The following GRM5 variants were observed in gnomAD, a reference collection of about 807,000 sequenced individuals.
The protein encoded by GRM5 is metabotropic glutamate receptor 5.
GRM5 carries 19 observed loss-of-function variants against 83.1 expected under a neutral mutation model. That is an observed-to-expected ratio of 0.23 (90% confidence interval 0.16 to 0.34). GRM5 has a LOEUF of 0.34. Ranked by LOEUF, GRM5 falls within the 10% of genes least tolerant of loss-of-function variation. The pLI, the probability that GRM5 is intolerant of heterozygous loss-of-function variation, is 1.00. For synonymous variants in GRM5, 675 were observed against 633.6 expected, an observed-to-expected ratio of 1.07 and a Z score of -0.98; for missense variants, 1,160 against 1,588.3, an observed-to-expected ratio of 0.73 and a Z score of 4.58.
chr11:88,832,871 C>T (rs1944020439), intron 3 of GRM5, among the ~76,000 whole-genome samples: 1 of 151,734 alleles, frequency 6.6e-6, no homozygotes, highest in African/African-American at 2.4e-5. Flanking sequence ...GAGGAAAGAA[C>T]ATCCTTTTCA....
chr11:88,535,549 C>T (rs1053403061), intron 8 of GRM5, among the ~76,000 whole-genome samples: 6 of 152,098 alleles, frequency 3.9e-5, no homozygotes, highest in Non-Finnish European at 7.4e-5. Context: ...CTGAATTAGC[C>T]TTTTTAGTGT....
At chr11:88,747,640 A>ATACTT (rs1591485476) in intron 3 of GRM5, among the ~76,000 whole-genome samples, 1 of 151,996 alleles carries the variant, frequency 6.6e-6, no homozygotes, top group Admixed American at 6.6e-5. Flanking sequence ...TAGAATATAC[A>ATACTT]TACTTTACTT....
chr11:88,586,014 A>G (rs934962522), intron 7 of GRM5, among the ~76,000 whole-genome samples: 1 of 152,080 alleles, frequency 6.6e-6, no homozygotes, highest in African/African-American at 2.4e-5. Flanking sequence ...TATGACTGCT[A>G]TTGAGAATAT....
chr11:88,664,998 A>G (rs928533477), intron 3 of GRM5, among the ~76,000 whole-genome samples: 1 of 152,172 alleles, frequency 6.6e-6, no homozygotes, highest in African/African-American at 2.4e-5. Context: ...GTAGCTTGCA[A>G]AGCAAGCAAA....
chr11:88,999,658 A>G (rs1940305712), intron 2 of GRM5, among the ~76,000 whole-genome samples: 1 of 152,162 alleles, frequency 6.6e-6, no homozygotes, highest in Admixed American at 6.5e-5. Context: ...AACTAGTTCA[A>G]CCATTGTGGA....
intron 2 of GRM5, among the ~76,000 whole-genome samples, chr11:88,892,356 A>G (rs993784617): frequency 6.6e-6 from 1 of 151,920 alleles, no homozygotes. Flanking sequence ...TCAGTAAAGA[A>G]TGTCACTTTT....
intron 2 of GRM5, among the ~76,000 whole-genome samples, chr11:88,942,635 A>G (rs545608643): frequency 1.3e-5 from 2 of 152,066 alleles, no homozygotes; most frequent in East Asian, 1.9e-4. Flanking sequence ...CTATTGCCCT[A>G]TGGGAAAACT....
At chr11:88,846,843 G>A (rs940113714) in intron 3 of GRM5, among the ~76,000 whole-genome samples, 12 of 152,022 alleles carry the variant, frequency 7.9e-5, no homozygotes, top group African/African-American at 2.9e-4. Context: ...AAATTTTCAG[G>A]AGGTAGCACT....
chr11:88,793,028 A>G (rs548236427), intron 3 of GRM5, among the ~76,000 whole-genome samples: 1 of 152,174 alleles, frequency 6.6e-6, no homozygotes, highest in South Asian at 2.1e-4. Flanking sequence ...GATACTATTT[A>G]GAGTATAGCA....
intron 2 of GRM5, among the ~76,000 whole-genome samples, chr11:88,943,023 G>A (rs1310582054): frequency 6.6e-6 from 1 of 151,972 alleles, no homozygotes; most frequent in African/African-American, 2.4e-5. Context: ...GAAGCCCAAG[G>A]ACAAGTGGTC....
At chr11:88,670,884 A>G (rs940056118) in intron 3 of GRM5, among the ~76,000 whole-genome samples, 2 of 152,066 alleles carry the variant, frequency 1.3e-5, no homozygotes, top group African/African-American at 2.4e-5. Flanking sequence ...TTGGAAAACT[A>G]TTTGGCAATA....
intron 2 of GRM5, among the ~76,000 whole-genome samples, chr11:88,909,113 C>T (rs1945451922): frequency 6.6e-6 from 1 of 152,042 alleles, no homozygotes; most frequent in Admixed American, 6.6e-5. Flanking sequence ...ACAGGCAATG[C>T]CCCAACTAAA....
chr11:88,737,312 G>A (rs1007920115), intron 3 of GRM5, among the ~76,000 whole-genome samples: 1 of 152,064 alleles, frequency 6.6e-6, no homozygotes, highest in Non-Finnish European at 1.5e-5. Flanking sequence ...GTCCCTGCAT[G>A]TGTAGCCTCT....
chr11:89,058,702 T>C (rs1941926714), intron 1 of GRM5, among the ~76,000 whole-genome samples: 1 of 152,156 alleles, frequency 6.6e-6, no homozygotes, highest in African/African-American at 2.4e-5. Context: ...AATTTAAGCT[T>C]TAAGAGTCAA....
At chr11:89,033,396 A>C (rs1332076015) in intron 2 of GRM5, among the ~76,000 whole-genome samples, 1 of 151,978 alleles carries the variant, frequency 6.6e-6, no homozygotes, top group Non-Finnish European at 1.5e-5. Flanking sequence ...GAATTACTTC[A>C]GCATTAATTT....
At chr11:88,809,101 G>A (rs977158241) in intron 3 of GRM5, among the ~76,000 whole-genome samples, 1 of 151,860 alleles carries the variant, frequency 6.6e-6, no homozygotes, top group Non-Finnish European at 1.5e-5. Context: ...TAATTCACAA[G>A]TTACTGAGAA....
intron 5 of GRM5, among the ~76,000 whole-genome samples, chr11:88,602,471 C>T (rs1447007718): frequency 1.3e-5 from 2 of 152,142 alleles, no homozygotes; most frequent in Non-Finnish European, 2.9e-5. Flanking sequence ...GTTTAGGATC[C>T]TCCACTTTTA....
chr11:88,991,326 A>G (rs1939960595), intron 2 of GRM5, among the ~76,000 whole-genome samples: 5 of 152,068 alleles, frequency 3.3e-5, no homozygotes, highest in Admixed American at 3.3e-4. Context: ...GACCTCTTCA[A>G]GGAGAACTAC....
At chr11:88,856,514 G>T (rs1446666088) in intron 2 of GRM5, among the ~76,000 whole-genome samples, 1 of 151,926 alleles carries the variant, frequency 6.6e-6, no homozygotes, top group African/African-American at 2.4e-5. Context: ...TGAAAGATCT[G>T]CCTGAAGCTA....
Sources: allele counts gnomAD v4.1 joint callset (sites outside exome capture counted in the v4.1 genomes callset), GRCh38; gene constraint gnomAD v4.1.1; transcripts MANE v1.5; gene names NCBI Gene and HGNC (gene_info 2026-07-23, HGNC 2026-07-21).